WDR43: variants seen among roughly 807,000 people sequenced by gnomAD.
WDR43 encodes WD repeat-containing protein 43.
WDR43 carries 13 observed loss-of-function variants against 91.4 expected under a neutral mutation model. That is an observed-to-expected ratio of 0.14 (90% CI 0.09 to 0.23). The LOEUF is 0.23. Ranked by LOEUF, WDR43 falls within the 10% of genes least tolerant of loss-of-function variation. The pLI, the probability that WDR43 is intolerant of heterozygous loss-of-function variation, is 1.00. For missense variants in WDR43, 780 were observed against 809.4 expected, an observed-to-expected ratio of 0.96 and a Z score of 0.44; for synonymous variants, 331 against 287.9, an observed-to-expected ratio of 1.15 and a Z score of -1.51.
intron 3 of WDR43, 49 bp downstream of exon 3, chr2:28,906,630 C>A: frequency 6.3e-7 from 1 of 1,582,024 alleles, no homozygotes. Flanking sequence ...TGGATAAATG[C>A]TGGACTTGTG....
At chr2:28,907,350 C>T (rs932868932) in intron 3 of WDR43, among the ~76,000 whole-genome samples, 1 of 150,514 alleles carries the variant, frequency 6.6e-6, no homozygotes, top group Non-Finnish European at 1.5e-5. Flanking sequence ...TGGCCAAGTG[C>T]AGTGGCTCAT....
intron 5 of WDR43, among the ~76,000 whole-genome samples, chr2:28,915,418 C>T (rs1049062600): frequency 1.3e-5 from 2 of 152,154 alleles, no homozygotes; most frequent in African/African-American, 2.4e-5. Context: ...TATTGAGTTG[C>T]TTCAATCTCA....
intron 1 of WDR43, among the ~76,000 whole-genome samples, chr2:28,898,264 C>T (rs186759258): frequency 1.0e-3 from 155 of 152,336 alleles, no homozygotes; most frequent in Admixed American, 8.6e-3. Context: ...GAATGAAGCA[C>T]ATGGCATTTC....
intron 11 of WDR43, among the ~76,000 whole-genome samples, chr2:28,931,290 C>G (rs1163611982): frequency 6.6e-6 from 1 of 152,074 alleles, no homozygotes; most frequent in Non-Finnish European, 1.5e-5. Flanking sequence ...CCATGTTGGC[C>G]AGGCTGGTCT....
chr2:28,941,405 G>T, intron 14 of WDR43, 56 bp from the exon 15 acceptor site: 1 of 1,334,760 alleles, frequency 7.5e-7, no homozygotes, highest in Non-Finnish European at 1.1e-6. Flanking sequence ...AGCATGATTT[G>T]CGTGTTCGTC....
rs763896591 is a variant in WDR43 at position 28,929,625 on chromosome 2, A to C, written c.1352A>C (p.Lys451Thr). Residue 451 changes from lysine to threonine, a missense_variant, in exon 11 of 18, where the codon AAA (lysine) becomes ACA (threonine). By Grantham distance (78) the Lys-to-Thr change is moderately conservative. Around this residue, in one of 4 missense-constraint regions of WDR43, gnomAD observed 426 missense variants for 467.8 expected, o/e 0.91. Coordinates refer to ENST00000407426, the MANE Select transcript of WDR43 (RefSeq NM_015131.3). ...GGAGCAATGGATATAGACACACACAAAAAAGGAAAGGAAGACCTCCAGACG... is the reference window on the plus strand; with the variant it reads ...GGAGCAATGGATATAGACACACACACAAAAGGAAAGGAAGACCTCCAGACG... ...RLGAMDIDTH[K>T]KGKEDLQTNS... 3 of 1,613,680 alleles carry C rather than the reference A, an allele frequency of 1.9e-6. No individual in the cohort carries two copies. Among genetic ancestry groups the C allele is most frequent in the Admixed American group, 1.7e-5 (1 of 59,996 alleles).
At chr2:28,922,797 G>GTGTT (rs767867369) in intron 6 of WDR43, 122 bp from the exon 7 acceptor site, 8 of 233,872 alleles carry the variant, frequency 3.4e-5, no homozygotes, top group South Asian at 1.9e-4. Flanking sequence ...TTCTTGCTGT[G>GTGTT]TTTTTTTTTT....
chr2:28,943,038 G>C (rs1389909695), intron 16 of WDR43, among the ~76,000 whole-genome samples: 1 of 152,142 alleles, frequency 6.6e-6, no homozygotes, highest in Admixed American at 6.5e-5. Flanking sequence ...TAAAAAGTTT[G>C]AAAAAGCCAG....
intron 7 of WDR43, among the ~76,000 whole-genome samples, chr2:28,924,438 CTTAT>C (rs1276249233): frequency 6.6e-6 from 1 of 152,084 alleles, no homozygotes; most frequent in Non-Finnish European, 1.5e-5. Flanking sequence ...GAGCAGGGAA[CTTAT>C]TTATATCATG....
At chr2:28,917,393 T>A (rs1670932217) in intron 5 of WDR43, among the ~76,000 whole-genome samples, 1 of 152,230 alleles carries the variant, frequency 6.6e-6, no homozygotes, top group African/African-American at 2.4e-5. Context: ...CGTTATAATG[T>A]TAATTCTCCC....
intron 3 of WDR43, among the ~76,000 whole-genome samples, chr2:28,907,935 C>T (rs1468689745): frequency 6.6e-6 from 1 of 151,096 alleles, no homozygotes; most frequent in East Asian, 1.9e-4. Flanking sequence ...GTCAGTGTCT[C>T]TGGGATAGAG....
intron 6 of WDR43, among the ~76,000 whole-genome samples, chr2:28,921,943 G>A (rs1162259169): frequency 6.6e-6 from 1 of 152,082 alleles, no homozygotes; most frequent in Admixed American, 6.5e-5. Flanking sequence ...CGAACTTCCA[G>A]GCTCTAGCTA....
At position 28,940,997 on chromosome 2, in the gene WDR43, A is replaced by G. The variant is rs139981703; in HGVS notation, c.1621-464A>G. ...AAAGGTCAACTTTGTACTTTGTTCT[A>G]CTGGTCTCTGGGAGCTGGGAAAAGG... is the stretch of plus-strand genomic sequence containing the variant. On this transcript the variant is annotated intron_variant, in intron 14 of 17. Transcript: ENST00000407426. Among the ~76,000 whole-genome samples the G allele has an allele frequency of 2.2e-4, 33 of 152,302 alleles. No homozygotes were observed. The East Asian group carries it at 6.0e-3, about 28-fold the overall frequency.
At chr2:28,926,769 C>G (rs1461482310) in intron 9 of WDR43, among the ~76,000 whole-genome samples, 1 of 152,010 alleles carries the variant, frequency 6.6e-6, no homozygotes, top group Non-Finnish European at 1.5e-5. Flanking sequence ...AGTTGAAGAC[C>G]TTGGATGTGG....
chr2:28,903,536 G>A (rs1377849905), intron 2 of WDR43, among the ~76,000 whole-genome samples: 2 of 152,090 alleles, frequency 1.3e-5, no homozygotes, highest in African/African-American at 4.8e-5. Context: ...TTGCATTTAG[G>A]AATGTATTAC....
In WDR43 at chr2:28,942,316, C is replaced by G. The variant is rs751190105; in HGVS notation, c.1739C>G (p.Thr580Arg). The G allele has an allele frequency of 1.1e-4, 184 of 1,613,076 alleles. No individual in the cohort carries two copies. The highest frequency in any genetic ancestry group is 1.5e-4 in the Non-Finnish European group (180 of 1,179,528). The change falls in exon 16 of 18, where the codon ACA becomes AGA. Residue 580 changes from threonine to arginine, a missense_variant. Physicochemically the swap from Thr to Arg is moderately conservative, Grantham distance 71 (BLOSUM62 -1). Around this residue, in one of 4 missense-constraint regions of WDR43, gnomAD observed 426 missense variants for 467.8 expected, o/e 0.91. Transcript: ENST00000407426. Reference sequence around the variant, plus strand: ...CAGTACTTTATCTTCTTCCAGGTAACAGCATCAGAGAAGACAAAGGGAGCA... The same window carrying G: ...CAGTACTTTATCTTCTTCCAGGTAAGAGCATCAGAGAAGACAAAGGGAGCA... Reference protein sequence around the residue: ...GKLILLITQVTASEKTKGATS... With the variant: ...GKLILLITQVRASEKTKGATS...
At chr2:28,926,360 C>G (rs1468264497) in intron 8 of WDR43, 108 bp from the exon 9 acceptor site, 1 of 771,254 alleles carries the variant, frequency 1.3e-6, no homozygotes, top group Non-Finnish European at 2.0e-6. Context: ...TAAAAATGCA[C>G]AAGTAGTCAT....
At chr2:28,896,880 T>A (rs1478145011) in intron 1 of WDR43, among the ~76,000 whole-genome samples, 1 of 152,196 alleles carries the variant, frequency 6.6e-6, no homozygotes, top group African/African-American at 2.4e-5. Flanking sequence ...TAAACAAAAT[T>A]TTTTTCTAGG....
intron 12 of WDR43, among the ~76,000 whole-genome samples, chr2:28,935,911 A>G (rs189717727): frequency 3.3e-5 from 5 of 152,340 alleles, no homozygotes; most frequent in African/African-American, 9.6e-5. Context: ...TATCATCTAC[A>G]TGGGAATAAT....
Sources: gnomAD v4.1 joint callset for allele counts (sites outside exome capture counted in the v4.1 genomes callset) on GRCh38, gnomAD v4.1.1 for gene constraint, gnomAD v4.1.1 regional missense constraint, MANE v1.5 for transcripts, NCBI Gene and HGNC (gene_info 2026-07-23, HGNC 2026-07-21) for gene names.